The following RBFOX1 variants were observed in gnomAD, a reference collection of about 807,000 sequenced individuals.
RBFOX1 encodes RNA binding fox-1 homolog 1, also known as RNA binding protein fox-1 homolog 1.
A neutral mutation model predicts 57.7 loss-of-function variants in RBFOX1; 8 were observed. That is an observed-to-expected ratio of 0.14 (90% CI 0.08 to 0.25). The LOEUF (loss-of-function observed/expected upper bound fraction) is 0.25, where lower values mean the gene tolerates loss of function less well. Among genes scored for constraint, RBFOX1 ranks in the 10% least tolerant of loss-of-function variants. The pLI, the probability that RBFOX1 is intolerant of heterozygous loss-of-function variation, is 1.00. For synonymous variants in RBFOX1, 326 were observed against 222.4 expected (o/e 1.47, Z -4.15); for missense variants, 611 against 548.5 (o/e 1.11, Z -1.14).
At chr16:6,899,263 A>G (rs1424696420) in intron 3 of RBFOX1, among the ~76,000 whole-genome samples, 2 of 151,992 alleles carry the variant, frequency 1.3e-5, no homozygotes, top group Admixed American at 1.3e-4. Flanking sequence ...GCATGTGTGT[A>G]TAACGTGTGC....
chr16:7,070,902 G>T (rs1230495241), intron 4 of RBFOX1, among the ~76,000 whole-genome samples: 1 of 152,188 alleles, frequency 6.6e-6, no homozygotes, highest in African/African-American at 2.4e-5. Context: ...TGTTGGGTAG[G>T]TGAAGGGTTC....
chr16:6,840,906 G>GAAAAAAAAGAAAAAAAA (rs1285781310), intron 3 of RBFOX1, among the ~76,000 whole-genome samples: 1 of 95,980 alleles, frequency 1.0e-5, no homozygotes, highest in African/African-American at 5.6e-5. Context: ...AAAAAAAAAC[G>GAAAAAAAAGAAAAAAAA]AAAAAAGGTT....
intron 12 of RBFOX1, among the ~76,000 whole-genome samples, chr16:7,663,106 G>C (rs894723704): frequency 6.6e-6 from 1 of 152,202 alleles, no homozygotes; most frequent in Non-Finnish European, 1.5e-5. Flanking sequence ...TCAGTCCTGT[G>C]GTTTGGGACC....
intron 4 of RBFOX1, among the ~76,000 whole-genome samples, chr16:7,345,609 T>A (rs2096983678): frequency 6.6e-6 from 1 of 152,080 alleles, no homozygotes; most frequent in South Asian, 2.1e-4. Context: ...AGAACGCCAG[T>A]CATCAGCCGC....
intron 3 of RBFOX1, among the ~76,000 whole-genome samples, chr16:5,682,044 C>T (rs940218742): frequency 6.6e-6 from 1 of 152,110 alleles, no homozygotes; most frequent in Non-Finnish European, 1.5e-5. Flanking sequence ...TGCTCTGCAC[C>T]TCCTAGGTCT....
chr16:6,727,937 G>A lies in RBFOX1; in HGVS notation c.-16+73287G>A, dbSNP rs73543652. On this transcript the variant is annotated intron_variant, in intron 3 of 15. Coordinates refer to ENST00000550418, the MANE Select transcript of RBFOX1 (RefSeq NM_018723.4). ...TGTTTTGGAAGGCTAGTTCTACTAC[G>A]TACGCACAGAGATGAAGGGAAGAAA... Among the ~76,000 whole-genome samples the A allele has an allele frequency of 1.1e-3, 168 of 152,174 alleles. 1 individual carries two copies. Among genetic ancestry groups the A allele is most frequent in the South Asian group, 4.4e-3 (21 of 4,816 alleles).
In RBFOX1 at chr16:5,978,128, C is replaced by CAAAAAAAA. The variant is rs140908065; in HGVS notation, c.351+110819_351+110826dup. 7.9e-3 allele frequency among the ~76,000 whole-genome samples: 248 copies of CAAAAAAAA among 31,524 alleles called. 57 individuals carry two copies. Among genetic ancestry groups the CAAAAAAAA allele is most frequent in the East Asian group, 0.021 (14 of 674 alleles). 20.7% of individuals were successfully genotyped at this position (31,524 alleles called of 152,430 possible). On this transcript the variant is annotated intron_variant, in intron 4 of 19. Transcript: ENST00000641259. ...ATCCTAGGGAGAATCCTGTCTCTTCCAAAAAAAAAAAAAAAAAAAAAAAAA... is the reference window on the plus strand; with the variant it reads ...ATCCTAGGGAGAATCCTGTCTCTTCCAAAAAAAAAAAAAAAAAAAAAAAAAAAAAAAAA...
At chr16:7,082,804 T>C (rs1202699431) in intron 4 of RBFOX1, among the ~76,000 whole-genome samples, 1 of 152,184 alleles carries the variant, frequency 6.6e-6, no homozygotes, top group Non-Finnish European at 1.5e-5. Flanking sequence ...ACCAGTAGCT[T>C]AATCAGTGTT....
chr16:7,251,558 C>T (rs2153023327), intron 4 of RBFOX1, among the ~76,000 whole-genome samples: 1 of 151,970 alleles, frequency 6.6e-6, no homozygotes, highest in South Asian at 2.1e-4. Context: ...TTACACGTGT[C>T]TCCCCTCGCC....
At chr16:7,291,490 A>G (rs1024946571) in intron 4 of RBFOX1, among the ~76,000 whole-genome samples, 2 of 152,202 alleles carry the variant, frequency 1.3e-5, no homozygotes, top group South Asian at 4.1e-4. Context: ...TAAAAATGAT[A>G]CAATTTGGGA....
intron 3 of RBFOX1, among the ~76,000 whole-genome samples, chr16:6,912,025 T>G (rs955866636): frequency 6.6e-6 from 1 of 152,168 alleles, no homozygotes; most frequent in African/African-American, 2.4e-5. Flanking sequence ...CTTCAAAGAT[T>G]CCTTTTTGTG....
intron 3 of RBFOX1, among the ~76,000 whole-genome samples, chr16:6,890,399 G>C (rs967854728): frequency 6.6e-6 from 1 of 152,184 alleles, no homozygotes; most frequent in African/African-American, 2.4e-5. Flanking sequence ...GGCACCTGTA[G>C]TCCCAGCCAC....
intron 2 of RBFOX1, among the ~76,000 whole-genome samples, chr16:6,386,155 T>C: frequency 6.6e-6 from 1 of 152,128 alleles, no homozygotes; most frequent in East Asian, 1.9e-4. Flanking sequence ...CAGGATGGTC[T>C]CGATGTCCTG....
At chr16:7,234,775 T>C (rs2093686447) in intron 4 of RBFOX1, among the ~76,000 whole-genome samples, 1 of 151,776 alleles carries the variant, frequency 6.6e-6, no homozygotes, top group African/African-American at 2.4e-5. Context: ...AAATGGGTAA[T>C]AGACTACATT....
intron 4 of RBFOX1, among the ~76,000 whole-genome samples, chr16:7,471,165 T>A (rs1364209588): frequency 6.6e-6 from 1 of 152,170 alleles, no homozygotes; most frequent in East Asian, 1.9e-4. Context: ...TTTCTATGAT[T>A]TGTGAATATG....
chr16:6,675,932 G>C (rs961292349), intron 3 of RBFOX1, among the ~76,000 whole-genome samples: 4 of 152,100 alleles, frequency 2.6e-5, no homozygotes, highest in Non-Finnish European at 5.9e-5. Context: ...GTCCAGGCCT[G>C]AGACCCTTGT....
intron 3 of RBFOX1, among the ~76,000 whole-genome samples, chr16:5,791,700 T>C (rs1322666361): frequency 6.6e-6 from 1 of 151,832 alleles, no homozygotes; most frequent in Non-Finnish European, 1.5e-5. Context: ...TTCTAGAGAG[T>C]AGAAAAAAAT....
At chr16:7,146,227 A>G (rs1287620812) in intron 4 of RBFOX1, among the ~76,000 whole-genome samples, 1 of 65,154 alleles carries the variant, frequency 1.5e-5, no homozygotes, top group Non-Finnish European at 3.5e-5. Flanking sequence ...TGGGCCTCAC[A>G]ATCCATATGC....
intron 3 of RBFOX1, among the ~76,000 whole-genome samples, chr16:5,778,084 T>C (rs553203857): frequency 6.6e-6 from 1 of 152,066 alleles, no homozygotes; most frequent in Non-Finnish European, 1.5e-5. Context: ...GGTTCCAAGG[T>C]GGATCCTCAT....
Sources: allele counts gnomAD v4.1 joint callset (sites outside exome capture counted in the v4.1 genomes callset), GRCh38; gene constraint gnomAD v4.1.1; transcripts MANE v1.5; gene names NCBI Gene and HGNC (gene_info 2026-07-23, HGNC 2026-07-21).